GNA14: variants seen among roughly 807,000 people sequenced by gnomAD.
The protein encoded by GNA14 is G protein subunit alpha 14.
In GNA14, 50 loss-of-function variants were observed where a neutral mutation model predicts 42.0. The observed-to-expected ratio is 1.19, with a 90% CI of 0.95 to 1.51. The LOEUF is 1.51. Ranked by LOEUF, GNA14 falls within the 40% of genes most tolerant of loss-of-function variation. The pLI is 0.00. For missense variants in GNA14, 473 were observed against 446.2 expected (o/e 1.06, Z -0.54); for synonymous variants, 173 against 163.1 (o/e 1.06, Z -0.46).
intron 2 of GNA14, among the ~76,000 whole-genome samples, chr9:77,475,794 T>C (rs1412422317): frequency 6.6e-6 from 1 of 152,208 alleles, no homozygotes; most frequent in Non-Finnish European, 1.5e-5. Flanking sequence ...TATGCTGCCC[T>C]TGTTCAACAG....
chr9:77,423,631 C>T lies in GNA14; in HGVS notation c.*348G>A, dbSNP rs1290617466. The T allele has an allele frequency of 6.4e-6, 1 of 156,610 alleles. No homozygotes were observed. The highest frequency in any genetic ancestry group is 2.4e-5 in the African/African-American group (1 of 41,652). The allele number at this position is 156,610 out of a possible 1,614,324, so 9.7% of individuals were successfully genotyped here. A position where few individuals can be genotyped will look rare whatever the true frequency, so the allele number is the denominator to read the frequency against. The stretch of plus-strand genomic sequence containing the variant: ...AAGGCATGATCTATAAACTAACAGG[C>T]TCCTTGCTTACATAATTTTAATCGC... On this transcript the variant is annotated 3_prime_UTR_variant, in exon 7 of 7. Transcript: ENST00000341700.
At chr9:77,530,013 T>A (rs145584958) in intron 1 of GNA14, among the ~76,000 whole-genome samples, 113 of 152,344 alleles carry the variant, frequency 7.4e-4, no homozygotes, top group Admixed American at 2.0e-3. Flanking sequence ...AAAGATAATT[T>A]ATCATATGGC....
intron 2 of GNA14, among the ~76,000 whole-genome samples, chr9:77,434,768 T>C (rs1835615981): frequency 6.6e-6 from 1 of 152,156 alleles, no homozygotes; most frequent in Non-Finnish European, 1.5e-5. Context: ...GCAGCTTCTG[T>C]GCCCAGCCAT....
At chr9:77,536,148 G>T (rs2131773358) in intron 1 of GNA14, among the ~76,000 whole-genome samples, 1 of 152,140 alleles carries the variant, frequency 6.6e-6, no homozygotes, top group East Asian at 1.9e-4. Context: ...ATAATTCTAG[G>T]CAACAGAGAA....
At chr9:77,493,026 A>AAAAAATATATATATATAT (rs1554691641) in intron 2 of GNA14, among the ~76,000 whole-genome samples, 3 of 51,708 alleles carry the variant, frequency 5.8e-5, no homozygotes, top group Non-Finnish European at 9.8e-5. Flanking sequence ...AAAAAAAAAA[A>AAAAAATATATATATATAT]ATATATATAT....
intron 2 of GNA14, among the ~76,000 whole-genome samples, chr9:77,514,257 A>G (rs992677779): frequency 3.9e-5 from 6 of 152,136 alleles, no homozygotes; most frequent in African/African-American, 1.4e-4. Flanking sequence ...TCCCATAGTC[A>G]AGGAGGCAAA....
rs938962601 is a variant in GNA14, at chr9:77,615,217, A to AAAT, written c.124+32450_124+32452dup. Among the ~76,000 whole-genome samples the AAAT allele has an allele frequency of 2.3e-3, 351 of 152,254 alleles. 1 individual carries two copies. Among genetic ancestry groups the AAAT allele is most frequent in the African/African-American group, 8.2e-3 (341 of 41,562 alleles). On this transcript the variant is annotated intron_variant, in intron 1 of 6. Coordinates refer to ENST00000341700, the MANE Select transcript of GNA14 (RefSeq NM_004297.4). The stretch of plus-strand genomic sequence containing the variant: ...CAGCCACTTGATTCCTTCAGTCTCC[A>AAAT]AATTAGCCATCAATTTCTCAGAGAA...
chr9:77,434,788 C>G (rs553877501), intron 2 of GNA14, among the ~76,000 whole-genome samples: 2 of 152,226 alleles, frequency 1.3e-5, no homozygotes, highest in African/African-American at 4.8e-5. Context: ...TGTCCTGGGC[C>G]AGTTTCGCCA....
intron 2 of GNA14, among the ~76,000 whole-genome samples, chr9:77,470,794 C>A (rs529593280): frequency 3.9e-5 from 6 of 152,004 alleles, no homozygotes; most frequent in Non-Finnish European, 7.4e-5. Flanking sequence ...ACAATCATGG[C>A]AGAAAGAGAA....
chr9:77,437,823 G>A lies in GNA14; in HGVS notation c.310-3301C>T, dbSNP rs191960523. Among the ~76,000 whole-genome samples the A allele has an allele frequency of 5.7e-4, 87 of 152,218 alleles. 1 individual carries two copies. The highest frequency in any genetic ancestry group is 1.8e-3 in the African/African-American group (76 of 41,538). ...ACTTGCCATGCTGGATATGTGGCAC[G>A]AGTGAGCAATCAACTCAAAAGTTAT... is the stretch of plus-strand genomic sequence containing the variant. On this transcript the variant is annotated intron_variant, in intron 2 of 6. Transcript: ENST00000341700.
At chr9:77,546,551 C>G (rs1484608914) in intron 1 of GNA14, among the ~76,000 whole-genome samples, 3 of 152,162 alleles carry the variant, frequency 2.0e-5, no homozygotes, top group Admixed American at 6.5e-5. Flanking sequence ...TAGCTGGGCA[C>G]TATCTAGGCT....
chr9:77,465,232 T>G (rs1414726549), intron 2 of GNA14, among the ~76,000 whole-genome samples: 1 of 152,224 alleles, frequency 6.6e-6, no homozygotes, highest in Non-Finnish European at 1.5e-5. Context: ...TCTATGAATT[T>G]GCCTATTCTG....
chr9:77,580,173 C>T (rs1285479809), intron 1 of GNA14: 3 of 235,880 alleles, frequency 1.3e-5, no homozygotes, highest in Non-Finnish European at 2.6e-5. Flanking sequence ...ACAAACCACA[C>T]TGGGTTGTTG....
intron 2 of GNA14, among the ~76,000 whole-genome samples, chr9:77,443,771 C>T (rs1029772176): frequency 6.6e-6 from 1 of 152,050 alleles, no homozygotes; most frequent in Non-Finnish European, 1.5e-5. Context: ...GCCAGAAGTT[C>T]GAGACCAGCG....
chr9:77,475,969 C>G (rs1240611356), intron 2 of GNA14, among the ~76,000 whole-genome samples: 1 of 152,204 alleles, frequency 6.6e-6, no homozygotes, highest in Non-Finnish European at 1.5e-5. Context: ...ACAGCAGGAG[C>G]AGGCCTAAGT....
intron 2 of GNA14, among the ~76,000 whole-genome samples, chr9:77,439,833 G>A (rs567508356): frequency 4.1e-4 from 62 of 152,228 alleles, no homozygotes; most frequent in Non-Finnish European, 7.4e-4. Flanking sequence ...TTCATCTCAG[G>A]GAAAGAGAGG....
chr9:77,477,728 G>T (rs1040223602), intron 2 of GNA14, among the ~76,000 whole-genome samples: 1 of 152,102 alleles, frequency 6.6e-6, no homozygotes, highest in African/African-American at 2.4e-5. Flanking sequence ...GTAGAAAACA[G>T]AAGAAGAATG....
chr9:77,644,326 C>T (rs908873864), intron 1 of GNA14, among the ~76,000 whole-genome samples: 1 of 150,686 alleles, frequency 6.6e-6, no homozygotes, highest in Admixed American at 6.6e-5. Context: ...TGGTGGCTCA[C>T]GCCTATAGTC....
chr9:77,500,574 C>T lies in GNA14; in HGVS notation c.309+28495G>A, dbSNP rs554340109. Among the ~76,000 whole-genome samples the T allele has an allele frequency of 3.9e-5, 6 of 152,262 alleles. No individual in the cohort carries two copies. The South Asian group carries it at 1.2e-3, about 32-fold the overall frequency. On this transcript the variant is annotated intron_variant, in intron 2 of 6. Transcript: ENST00000341700. Reference sequence around the variant, plus strand: ...TGCCACCACAGAATCCTTCATGTTGCTCTACAGCCATAACCACTTCCCTCC... The same window carrying T: ...TGCCACCACAGAATCCTTCATGTTGTTCTACAGCCATAACCACTTCCCTCC...
Sources: gnomAD v4.1 joint callset for allele counts (sites outside exome capture counted in the v4.1 genomes callset) on GRCh38, gnomAD v4.1.1 for gene constraint, MANE v1.5 for transcripts, NCBI Gene and HGNC (gene_info 2026-07-23, HGNC 2026-07-21) for gene names.